ULK4: variants seen among roughly 807,000 people sequenced by gnomAD.
ULK4 encodes the protein unc-51 like kinase 4.
A neutral mutation model predicts 160.6 loss-of-function variants in ULK4; 133 were observed. The ratio of observed to expected loss-of-function variants is 0.83; its 90% CI spans 0.72 to 0.96. ULK4 has a LOEUF of 0.96. Ranked by LOEUF, ULK4 falls within the 40% of genes least tolerant of loss-of-function variation. The pLI is 0.00. For missense variants in ULK4, 1,580 were observed against 1,499.5 expected (o/e 1.05, Z -0.89); for synonymous variants, 534 against 539.8 (o/e 0.99, Z 0.15).
At chr3:41,732,489 G>A (rs920616207) in intron 22 of ULK4, among the ~76,000 whole-genome samples, 5 of 152,192 alleles carry the variant, frequency 3.3e-5, no homozygotes, top group Admixed American at 2.0e-4. Context: ...GCATAGATGT[G>A]AAGAAAGGGG....
At position 41,845,198 on chromosome 3, in the gene ULK4, C is replaced by G. The variant is rs548016403; in HGVS notation, c.1657-9227G>C. On this transcript the variant is annotated intron_variant, in intron 17 of 36. Coordinates refer to ENST00000301831, the MANE Select transcript of ULK4 (RefSeq NM_017886.4). Reference sequence around the variant, plus strand: ...GCCAGGATGGTCTCGATCTCCTGACCTCGTGATCCACCCGTCTCGGCCCCC... The same window carrying G: ...GCCAGGATGGTCTCGATCTCCTGACGTCGTGATCCACCCGTCTCGGCCCCC... Among the ~76,000 whole-genome samples, 149 of 152,240 alleles carry G rather than the reference C, an allele frequency of 9.8e-4. 1 individual carries two copies. Among genetic ancestry groups the G allele is most frequent in the African/African-American group, 3.4e-3 (141 of 41,540 alleles).
At chr3:41,326,673 T>A (rs2080345071) in intron 35 of ULK4, among the ~76,000 whole-genome samples, 1 of 152,184 alleles carries the variant, frequency 6.6e-6, no homozygotes, top group African/African-American at 2.4e-5. Context: ...ACATTTTACA[T>A]AGTTTTAAGC....
chr3:41,831,312 C>T (rs868329973), intron 18 of ULK4, among the ~76,000 whole-genome samples: 1 of 151,656 alleles, frequency 6.6e-6, no homozygotes, highest in South Asian at 2.1e-4. Flanking sequence ...AATGTTCTAT[C>T]ACATAAAAAG....
chr3:41,310,984 C>A (rs1254113877), intron 35 of ULK4, among the ~76,000 whole-genome samples: 2 of 150,304 alleles, frequency 1.3e-5, no homozygotes, highest in Non-Finnish European at 3.0e-5. Flanking sequence ...CAGAGGGAGA[C>A]CTCGTCTCAA....
intron 22 of ULK4, among the ~76,000 whole-genome samples, chr3:41,725,052 C>T (rs1207172580): frequency 6.6e-6 from 1 of 152,144 alleles, no homozygotes; most frequent in Admixed American, 6.5e-5. Context: ...ATGTCTCTTA[C>T]TCTGTGGCTT....
intron 21 of ULK4, among the ~76,000 whole-genome samples, chr3:41,785,037 T>G (rs973106339): frequency 2.6e-5 from 4 of 152,158 alleles, no homozygotes; most frequent in Non-Finnish European, 5.9e-5. Flanking sequence ...ACCCACATAA[T>G]CTACCTTTCC....
intron 27 of ULK4, among the ~76,000 whole-genome samples, chr3:41,694,640 T>C (rs2036427274): frequency 6.6e-6 from 1 of 152,208 alleles, no homozygotes; most frequent in Non-Finnish European, 1.5e-5. Flanking sequence ...GTCCCTTATA[T>C]AAAATAGCAT....
intron 30 of ULK4, among the ~76,000 whole-genome samples, chr3:41,638,146 C>T (rs2034037749): frequency 1.3e-5 from 2 of 152,122 alleles, no homozygotes; most frequent in African/African-American, 2.4e-5. Flanking sequence ...TTTCACTAGA[C>T]TCTCAATAAA....
At chr3:41,839,139 G>A (rs1165121718) in intron 17 of ULK4, among the ~76,000 whole-genome samples, 3 of 152,020 alleles carry the variant, frequency 2.0e-5, no homozygotes, top group Admixed American at 6.6e-5. Flanking sequence ...CATGAGCTCA[G>A]GAGTCAGAGA....
intron 18 of ULK4, among the ~76,000 whole-genome samples, chr3:41,823,119 G>A (rs990090943): frequency 6.6e-6 from 1 of 152,132 alleles, no homozygotes; most frequent in African/African-American, 2.4e-5. Context: ...CAGAAAGACT[G>A]TAGACAGGCT....
chr3:41,859,897 T>C (rs1179043570), intron 17 of ULK4, among the ~76,000 whole-genome samples: 2 of 149,560 alleles, frequency 1.3e-5, no homozygotes, highest in Non-Finnish European at 3.0e-5. Context: ...CTCGAACTCC[T>C]GACCTTATGA....
intron 35 of ULK4, among the ~76,000 whole-genome samples, chr3:41,372,700 A>G (rs536801273): frequency 6.6e-6 from 1 of 152,340 alleles, no homozygotes; most frequent in East Asian, 1.9e-4. Flanking sequence ...CAAAATGTAA[A>G]GACTATTGAC....
At chr3:41,616,194 A>G (rs945917203) in intron 30 of ULK4, among the ~76,000 whole-genome samples, 1 of 152,230 alleles carries the variant, frequency 6.6e-6, no homozygotes, top group Admixed American at 6.5e-5. Flanking sequence ...CACCTGGTAG[A>G]CACTAGGCAC....
At chr3:41,529,490 C>T (rs2086228382) in intron 32 of ULK4, among the ~76,000 whole-genome samples, 1 of 152,064 alleles carries the variant, frequency 6.6e-6, no homozygotes, top group East Asian at 1.9e-4. Flanking sequence ...TTCTTGAGTA[C>T]TGATTTGTTG....
chr3:41,905,639 T>C (rs1698526553), intron 12 of ULK4, among the ~76,000 whole-genome samples: 1 of 152,002 alleles, frequency 6.6e-6, no homozygotes, highest in African/African-American at 2.4e-5. Context: ...AAGAGATAAA[T>C]AACCCAATTA....
At chr3:41,699,227 G>T (rs1485549335) in intron 27 of ULK4, among the ~76,000 whole-genome samples, 1 of 152,078 alleles carries the variant, frequency 6.6e-6, no homozygotes, top group Non-Finnish European at 1.5e-5. Flanking sequence ...GTGTTTCTGG[G>T]TTCCATTTGC....
intron 35 of ULK4, among the ~76,000 whole-genome samples, chr3:41,269,743 TAA>T (rs1206589986): frequency 6.6e-6 from 1 of 152,186 alleles, no homozygotes; most frequent in Non-Finnish European, 1.5e-5. Flanking sequence ...AGTACAAACT[TAA>T]AGTTATCCAA....
rs2148791579 is a variant in ULK4 at position 41,900,709 on chromosome 3, G to C, written c.1287+16C>G. The C allele has an allele frequency of 3.1e-6, 5 of 1,598,644 alleles. No homozygotes were observed. Among genetic ancestry groups the C allele is most frequent in the South Asian group, 1.1e-5 (1 of 90,012 alleles). Reference sequence around the variant, plus strand: ...AGTAAAGTCTACAACTCAGTTGTTAGAGTGTCTTTCTGCACCTTTGGATTG... The same window carrying C: ...AGTAAAGTCTACAACTCAGTTGTTACAGTGTCTTTCTGCACCTTTGGATTG... On this transcript the variant is annotated intron_variant, in intron 13 of 36. Transcript: ENST00000301831.
chr3:41,554,745 A>T (rs904576387), intron 32 of ULK4, among the ~76,000 whole-genome samples: 1 of 152,178 alleles, frequency 6.6e-6, no homozygotes, highest in African/African-American at 2.4e-5. Flanking sequence ...TGGGGTGATA[A>T]ATATCCTAAA....
Sources: allele counts gnomAD v4.1 joint callset (sites outside exome capture counted in the v4.1 genomes callset), GRCh38; gene constraint gnomAD v4.1.1; transcripts MANE v1.5; gene names NCBI Gene and HGNC (gene_info 2026-07-23, HGNC 2026-07-21).